SMURF2: variants seen among roughly 807,000 people sequenced by gnomAD.
SMURF2 encodes SMAD specific E3 ubiquitin protein ligase 2, also known as E3 ubiquitin-protein ligase SMURF2.
A neutral mutation model predicts 109.6 loss-of-function variants in SMURF2; 48 were observed. The ratio of observed to expected loss-of-function variants is 0.44; its 90% confidence interval spans 0.35 to 0.56. SMURF2 has a LOEUF of 0.56. Ranked by LOEUF, SMURF2 falls within the 20% of genes least tolerant of loss-of-function variation. The pLI is 0.01. For synonymous variants in SMURF2, 288 were observed against 317.1 expected (o/e 0.91, Z 0.97); for missense variants, 575 against 909.0 (o/e 0.63, Z 4.72).
In SMURF2 at chr17:64,659,139, G is replaced by A. The variant is rs369055572; in HGVS notation, c.52+2690C>T. Reference sequence around the variant, plus strand: ...GCTTAAATATTTCCTCTTCTTCAGAGAGAGTGTGTATGAGTGTGTGAGTGT... The same window carrying A: ...GCTTAAATATTTCCTCTTCTTCAGAAAGAGTGTGTATGAGTGTGTGAGTGT... On this transcript the variant is annotated intron_variant, in intron 1 of 18. Coordinates refer to ENST00000262435, the MANE Select transcript of SMURF2 (RefSeq NM_022739.4). Among the ~76,000 whole-genome samples the A allele has an allele frequency of 2.2e-4, 33 of 152,236 alleles. No individual in the cohort carries two copies. In the East Asian group the frequency reaches 4.6e-3, roughly 21 times the overall value.
intron 1 of SMURF2, among the ~76,000 whole-genome samples, chr17:64,631,111 G>A (rs1970333017): frequency 1.3e-5 from 2 of 151,448 alleles, no homozygotes; most frequent in Admixed American, 1.3e-4. Context: ...AGACCAGCCT[G>A]GGCAACATGG....
chr17:64,635,785 T>C (rs1970408904), intron 1 of SMURF2, among the ~76,000 whole-genome samples: 2 of 152,230 alleles, frequency 1.3e-5, no homozygotes, highest in Admixed American at 6.5e-5. Context: ...AATGCTACTA[T>C]GCACAAGATT....
intron 1 of SMURF2, among the ~76,000 whole-genome samples, chr17:64,648,733 GAC>G (rs1970594544): frequency 6.6e-6 from 1 of 152,100 alleles, no homozygotes; most frequent in Admixed American, 6.6e-5. Context: ...AAGCCTGAGC[GAC>G]AGAGTGAGAC....
chr17:64,587,298 G>A (rs1230043085), intron 5 of SMURF2, among the ~76,000 whole-genome samples: 1 of 152,220 alleles, frequency 6.6e-6, no homozygotes, highest in Non-Finnish European at 1.5e-5. Flanking sequence ...CCATTATCCA[G>A]TGTAGTATAA....
At chr17:64,573,125 AGAGGAGGAG>A (rs372553868) in intron 9 of SMURF2, 5,553 of 41,700 alleles carry the variant, frequency 0.13, 870 homozygotes, top group East Asian at 0.16. Flanking sequence ...ATTAAAAAAA[AGAGGAGGAG>A]GAGGAGGAGG....
Position 64,583,447 on chromosome 17 carries a change from T to C in SMURF2, c.569+14A>G. 1 of 1,597,402 alleles carries C rather than the reference T, an allele frequency of 6.3e-7. No individual in the cohort carries two copies. The highest frequency in any genetic ancestry group is 1.7e-4 in the Middle Eastern group (1 of 6,036). On this transcript the variant is annotated intron_variant, in intron 7 of 18. Coordinates refer to ENST00000262435, the MANE Select transcript of SMURF2 (RefSeq NM_022739.4). ...GCTGGCATAGATCATGAGAAAATATTTGTATGTTCTTACCGTGTTGGGCGC... is the reference window on the plus strand; with the variant it reads ...GCTGGCATAGATCATGAGAAAATATCTGTATGTTCTTACCGTGTTGGGCGC...
chr17:64,624,759 G>A (rs1397109024), intron 1 of SMURF2, among the ~76,000 whole-genome samples: 1 of 152,032 alleles, frequency 6.6e-6, no homozygotes, highest in Non-Finnish European at 1.5e-5. Context: ...AGGAGGTTGA[G>A]GCTGCATTGA....
chr17:64,605,053 T>G (rs1969950221), intron 2 of SMURF2, among the ~76,000 whole-genome samples: 1 of 151,638 alleles, frequency 6.6e-6, no homozygotes, highest in African/African-American at 2.4e-5. Flanking sequence ...TAGATCAACC[T>G]TATCAAAGGT....
chr17:64,620,846 C>T (rs922878280), intron 1 of SMURF2, among the ~76,000 whole-genome samples: 1 of 152,024 alleles, frequency 6.6e-6, no homozygotes, highest in Admixed American at 6.6e-5. Flanking sequence ...CTCAGAAAAC[C>T]ACTGACGAGT....
intron 5 of SMURF2, 55 bp from the exon 6 acceptor site, chr17:64,586,225 A>C: frequency 8.4e-7 from 1 of 1,194,578 alleles, no homozygotes. Flanking sequence ...GAACTATTAT[A>C]ATCTAAAATT....
intron 1 of SMURF2, among the ~76,000 whole-genome samples, chr17:64,626,705 G>A (rs1970273283): frequency 6.6e-6 from 1 of 152,116 alleles, no homozygotes; most frequent in African/African-American, 2.4e-5. Context: ...AGAGGTTGCA[G>A]TGAGCCGAGA....
Position 64,571,996 on chromosome 17 carries a change from C to A in SMURF2, c.858-40G>T, listed in dbSNP as rs372224052. 5.1e-6 allele frequency: 8 copies of A among 1,566,460 alleles called. No individual in the cohort carries two copies. The South Asian group carries it at 9.6e-5, about 19-fold the overall frequency. ...ATAAAATAAAAAATACCTCATTGCT[C>A]GCCCTGCTGAACCAAGCAAGTGTAA... On this transcript the variant is annotated intron_variant, in intron 9 of 18. Coordinates refer to ENST00000262435, the MANE Select transcript of SMURF2 (RefSeq NM_022739.4).
At chr17:64,640,933 AAAAAG>A (rs1970485565) in intron 1 of SMURF2, among the ~76,000 whole-genome samples, 3 of 151,608 alleles carry the variant, frequency 2.0e-5, no homozygotes, top group African/African-American at 7.3e-5. Context: ...AAAAAAAAGA[AAAAAG>A]AAAAAAAAGA....
At chr17:64,645,324 A>G (rs1262216630) in intron 1 of SMURF2, among the ~76,000 whole-genome samples, 1 of 152,240 alleles carries the variant, frequency 6.6e-6, no homozygotes, top group Non-Finnish European at 1.5e-5. Context: ...ACGATAATTA[A>G]GAGACATACC....
intron 8 of SMURF2, among the ~76,000 whole-genome samples, chr17:64,578,991 A>G (rs1395623271): frequency 1.3e-5 from 2 of 152,252 alleles, no homozygotes; most frequent in Non-Finnish European, 2.9e-5. Context: ...TATTATGCCT[A>G]ATTTTATACC....
intron 1 of SMURF2, among the ~76,000 whole-genome samples, chr17:64,658,117 G>A (rs536178575): frequency 6.6e-6 from 1 of 152,294 alleles, no homozygotes; most frequent in East Asian, 1.9e-4. Context: ...CACACTGGAA[G>A]GCTAAGGCGG....
At chr17:64,596,557 A>G (rs1969819921) in intron 3 of SMURF2, among the ~76,000 whole-genome samples, 1 of 150,090 alleles carries the variant, frequency 6.7e-6, no homozygotes, top group South Asian at 2.1e-4. Flanking sequence ...ACAATGGAAG[A>G]TAAAGTTCAC....
At chr17:64,557,846 C>T (rs1555684176) in intron 12 of SMURF2, 124 bp from the exon 13 acceptor site, 1 of 574,732 alleles carries the variant, frequency 1.7e-6, no homozygotes, top group African/African-American at 1.9e-5. Flanking sequence ...AAAGCACTAA[C>T]TACAGTTATA....
intron 1 of SMURF2, 127 bp from the exon 2 acceptor site, chr17:64,606,767 AC>A: frequency 1.6e-6 from 1 of 619,662 alleles, no homozygotes; most frequent in Non-Finnish European, 2.7e-6. Flanking sequence ...ATGAAACATG[AC>A]CACAAACTTT....
Sources: gnomAD v4.1 joint callset for allele counts (sites outside exome capture counted in the v4.1 genomes callset) on GRCh38, gnomAD v4.1.1 for gene constraint, MANE v1.5 for transcripts, NCBI Gene and HGNC (gene_info 2026-07-23, HGNC 2026-07-21) for gene names.